DLGAP2: variants seen among roughly 807,000 people sequenced by gnomAD.
DLGAP2 encodes disks large-associated protein 2.
Under a neutral mutation model 100.3 loss-of-function variants are expected in DLGAP2, and 26 were observed. That is an observed-to-expected ratio of 0.26 (90% CI 0.19 to 0.36). DLGAP2 has a LOEUF of 0.36. DLGAP2 is among the 10% of genes least tolerant of loss of function. The pLI is 1.00. For synonymous variants in DLGAP2, 886 were observed against 630.1 expected (o/e 1.41, Z -6.08); for missense variants, 1,858 against 1,453.2 (o/e 1.28, Z -4.53).
At chr8:1,072,854 G>C (rs554411435) in intron 2 of DLGAP2, among the ~76,000 whole-genome samples, 2 of 152,182 alleles carry the variant, frequency 1.3e-5, no homozygotes, top group Non-Finnish European at 2.9e-5. Flanking sequence ...GGAAGGTTTC[G>C]GGGAGGCTGA....
At chr8:1,619,777 C>G (rs1308935388) in intron 6 of DLGAP2, 2 of 152,174 alleles carry the variant, frequency 1.3e-5, no homozygotes, top group African/African-American at 4.8e-5. Context: ...AGAGATTTGT[C>G]CAAATGACAC....
chr8:1,036,317 C>T (rs2129029062), intron 2 of DLGAP2, among the ~76,000 whole-genome samples: 2 of 152,396 alleles, frequency 1.3e-5, no homozygotes, highest in East Asian at 3.9e-4. Context: ...AAACATGCCA[C>T]AGCACCCCAT....
chr8:1,651,615 C>T (rs377164071), intron 8 of DLGAP2, among the ~76,000 whole-genome samples: 1 of 152,170 alleles, frequency 6.6e-6, no homozygotes, highest in South Asian at 2.1e-4. Flanking sequence ...CTGCCGGGCT[C>T]CTGCCTGGCC....
At chr8:1,646,272 C>A (rs1798038733) in intron 8 of DLGAP2, among the ~76,000 whole-genome samples, 1 of 152,150 alleles carries the variant, frequency 6.6e-6, no homozygotes, top group Non-Finnish European at 1.5e-5. Flanking sequence ...CATGAGCCCG[C>A]CCAGATCTCC....
At chr8:931,695 G>A (rs1337880358) in intron 2 of DLGAP2, among the ~76,000 whole-genome samples, 2 of 152,082 alleles carry the variant, frequency 1.3e-5, no homozygotes, top group African/African-American at 2.4e-5. Context: ...TGGTGGCCAC[G>A]CCCTGGCTCC....
At chr8:871,375 C>G (rs2128991640) in intron 1 of DLGAP2, among the ~76,000 whole-genome samples, 1 of 152,342 alleles carries the variant, frequency 6.6e-6, no homozygotes, top group South Asian at 2.1e-4. Context: ...TTGTATTTTG[C>G]TGTTCTAAGA....
chr8:908,799 C>G (rs544873438), intron 2 of DLGAP2, among the ~76,000 whole-genome samples: 1 of 152,274 alleles, frequency 6.6e-6, no homozygotes, highest in East Asian at 1.9e-4. Context: ...CGTGTGCTGT[C>G]AAGTATGTAT....
chr8:984,652 C>T (rs1800436371), intron 2 of DLGAP2, among the ~76,000 whole-genome samples: 1 of 152,198 alleles, frequency 6.6e-6, no homozygotes, highest in Admixed American at 6.5e-5. Flanking sequence ...AGCACGGCCT[C>T]CCAGTCAATA....
At chr8:1,214,548 G>C (rs1798173379) in intron 2 of DLGAP2, among the ~76,000 whole-genome samples, 1 of 152,226 alleles carries the variant, frequency 6.6e-6, no homozygotes, top group Admixed American at 6.5e-5. Flanking sequence ...CAGATCCCAG[G>C]AGTGGAGTAA....
At chr8:836,072 C>A (rs1796869032) in intron 1 of DLGAP2, among the ~76,000 whole-genome samples, 1 of 152,206 alleles carries the variant, frequency 6.6e-6, no homozygotes, top group Admixed American at 6.5e-5. Flanking sequence ...AAAGGACACC[C>A]GCAGCCATGG....
At chr8:1,276,283 T>C (rs1460242424) in intron 3 of DLGAP2, among the ~76,000 whole-genome samples, 1 of 151,810 alleles carries the variant, frequency 6.6e-6, no homozygotes, top group Non-Finnish European at 1.5e-5. Flanking sequence ...GCTGCTTTTT[T>C]ACCCAAACAC....
intron 2 of DLGAP2, among the ~76,000 whole-genome samples, chr8:1,111,850 A>G (rs987528890): frequency 4.6e-5 from 7 of 152,144 alleles, no homozygotes; most frequent in Admixed American, 3.9e-4. Flanking sequence ...TTTTGTGAAT[A>G]GTGCTGCAGT....
At chr8:1,235,141 ACG>A (rs1392327506) in intron 2 of DLGAP2, among the ~76,000 whole-genome samples, 1 of 31,222 alleles carries the variant, frequency 3.2e-5, no homozygotes. Context: ...CTTCCCTCAC[ACG>A]TGGCGTCGTG....
rs576428881 is a variant in DLGAP2, at chr8:996,611, T to C, written c.73+88645T>C. ...GAGAGACAAGTTTCGTTATCAACCT[T>C]ATGAATATAAAAGGATCTTTGCAGA... On this transcript the variant is annotated intron_variant, in intron 2 of 14. Coordinates refer to ENST00000637795, the MANE Select transcript of DLGAP2 (RefSeq NM_001346810.2). Among the ~76,000 whole-genome samples the C allele has an allele frequency of 2.0e-5, 3 of 152,336 alleles. No homozygotes were observed. In the South Asian group the frequency reaches 6.2e-4, roughly 32 times the overall value.
chr8:1,433,667 A>T (rs983959369), intron 3 of DLGAP2, among the ~76,000 whole-genome samples: 8 of 151,516 alleles, frequency 5.3e-5, no homozygotes, highest in African/African-American at 1.9e-4. Flanking sequence ...TTGGCAAACC[A>T]CTGAACACTG....
At chr8:1,287,155 TGTGC>T (rs1265624791) in intron 3 of DLGAP2, among the ~76,000 whole-genome samples, 1,231 of 98,542 alleles carry the variant, frequency 0.012, 52 homozygotes, top group African/African-American at 0.042. Flanking sequence ...TGTGTGTGTG[TGTGC>T]GCGCGCGCGC....
At chr8:858,530 C>CGT (rs1797325916) in intron 1 of DLGAP2, among the ~76,000 whole-genome samples, 1 of 147,636 alleles carries the variant, frequency 6.8e-6, no homozygotes, top group East Asian at 2.0e-4. Context: ...ACCGTGGGCA[C>CGT]GTGTAATGCT....
chr8:1,696,789 G>A (rs914212785), intron 13 of DLGAP2, among the ~76,000 whole-genome samples: 3 of 152,164 alleles, frequency 2.0e-5, no homozygotes, highest in South Asian at 2.1e-4. Flanking sequence ...CCAATACCAC[G>A]GCAGGCTCAC....
chr8:1,438,404 G>A (rs138940500), intron 3 of DLGAP2, among the ~76,000 whole-genome samples: 96 of 152,166 alleles, frequency 6.3e-4, no homozygotes, highest in African/African-American at 2.1e-3. Flanking sequence ...ATTTTAGTGC[G>A]TTGCTAAGGG....
Sources: allele counts gnomAD v4.1 joint callset (sites outside exome capture counted in the v4.1 genomes callset), GRCh38; gene constraint gnomAD v4.1.1; transcripts MANE v1.5; gene names NCBI Gene and HGNC (gene_info 2026-07-23, HGNC 2026-07-21).